OPA1: variants seen among roughly 807,000 people sequenced by gnomAD.
OPA1 encodes the protein OPA1 mitochondrial dynamin like GTPase.
A neutral mutation model predicts 152.9 loss-of-function variants in OPA1; 59 were observed. That is an observed-to-expected ratio of 0.39 (90% CI 0.31 to 0.48). The LOEUF (loss-of-function observed/expected upper bound fraction) is 0.48. Ranked by LOEUF, OPA1 falls within the 20% of genes least tolerant of loss-of-function variation. The pLI is 0.96. For missense variants in OPA1, 1,008 were observed against 1,216.8 expected, an observed-to-expected ratio of 0.83 and a Z score of 2.55; for synonymous variants, 400 against 389.9, an observed-to-expected ratio of 1.03 and a Z score of -0.31.
Position 193,662,860 on chromosome 3 carries a change from G to A in OPA1, c.2559G>A (p.Met853Ile). The change falls in exon 26 of 31, where the codon ATG becomes ATA. Residue 853 changes from methionine to isoleucine, a missense_variant. Met to Ile is a conservative substitution (Grantham distance 10). Coordinates refer to ENST00000361510, the MANE Select transcript of OPA1 (RefSeq NM_130837.3). ...AAACCAAGAATGAATTGGAGAAGAT[G>A]TTGAAATGTAATGAGGAGCACCCAG... ...HNETKNELEK[M>I]LKCNEEHPAY... is the part of the protein sequence containing the mutation. 2 of 1,613,398 alleles carry A rather than the reference G, an allele frequency of 1.2e-6. No individual in the cohort carries two copies. The highest frequency in any genetic ancestry group is 1.7e-6 in the Non-Finnish European group (2 of 1,179,434).
Position 193,648,800 on chromosome 3 carries a change from A to C in OPA1, c.1941A>C (p.Glu647Asp). The change falls in exon 21 of 31, where the codon GAA becomes GAC. Residue 647 changes from glutamate to aspartate, a missense_variant. Around this residue, in one of 7 missense-constraint regions of OPA1, gnomAD observed 229 missense variants for 269.0 expected, o/e 0.85. Coordinates refer to ENST00000361510, the MANE Select transcript of OPA1 (RefSeq NM_130837.3). ...YPRLRELDRN[E>D]LFEKAKNEIL... ...CTTGTATTTATATTGCCTAGAATGAACTATTTGAAAAAGCTAAAAATGAAA... is the reference window on the plus strand; with the variant it reads ...CTTGTATTTATATTGCCTAGAATGACCTATTTGAAAAAGCTAAAAATGAAA... 1 of 1,592,980 alleles carries C rather than the reference A, an allele frequency of 6.3e-7. No homozygotes were observed. Among genetic ancestry groups the C allele is most frequent in the Non-Finnish European group, 8.6e-7 (1 of 1,161,252 alleles).
chr3:193,593,764 C>G (rs1307105920), intron 1 of OPA1, among the ~76,000 whole-genome samples: 1 of 151,888 alleles, frequency 6.6e-6, no homozygotes, highest in Non-Finnish European at 1.5e-5. Flanking sequence ...CCTCTCCCTG[C>G]CAGGTTTGGC....
intron 29 of OPA1, among the ~76,000 whole-genome samples, chr3:193,684,299 A>G (rs922059894): frequency 2.0e-5 from 3 of 152,206 alleles, no homozygotes; most frequent in African/African-American, 7.2e-5. Context: ...CATAGTATCC[A>G]GAGAAATAGA....
In OPA1 at chr3:193,614,786, A is replaced by G. The variant is rs779882253; in HGVS notation, c.96A>G (p.Lys32=). 6 of 1,614,110 alleles carry G rather than the reference A, an allele frequency of 3.7e-6. No homozygotes were observed. Among genetic ancestry groups the G allele is most frequent in the Non-Finnish European group, 5.1e-6 (6 of 1,179,964 alleles). Residue 32 remains lysine (K), a synonymous_variant, in exon 2 of 31, where the codon AAA becomes AAG. Transcript: ENST00000361510. ...SGIKGSLPLQ[K]LHLVSRSIYH... ...TAAAAGGAAGTTTACCACTACAAAA[A>G]CTACATCTGGTTTCACGAAGCATTT...
intron 29 of OPA1, chr3:193,691,476 A>G (rs1721674429): frequency 1.3e-5 from 2 of 151,438 alleles, no homozygotes; most frequent in Non-Finnish European, 1.5e-5. Flanking sequence ...GTATTTTTAT[A>G]GCACCATTGC....
intron 11 of OPA1, among the ~76,000 whole-genome samples, chr3:193,640,912 A>G (rs983201555): frequency 4.6e-5 from 7 of 152,188 alleles, no homozygotes; most frequent in African/African-American, 1.7e-4. Flanking sequence ...GCCTAGTGTG[A>G]TTCATCTAGA....
Position 193,664,953 on chromosome 3 carries a change from G to A in OPA1, c.2735G>A (p.Arg912Gln), listed in dbSNP as rs1215497493. The change falls in exon 27 of 31, where the codon CGA becomes CAA. Residue 912 changes from arginine (R) to glutamine (Q), a missense_variant. Physicochemically the swap from Arg to Gln is conservative, Grantham distance 43 (BLOSUM62 1). Transcript: ENST00000361510. ...KTALNHCNLC[R>Q]RGFYYYQRHF... is the part of the protein sequence containing the mutation. Reference sequence around the variant, plus strand: ...GCTCTAAACCATTGTAACCTTTGTCGAAGAGGTTTTTATTACTACCAAAGG... The same window carrying A: ...GCTCTAAACCATTGTAACCTTTGTCAAAGAGGTTTTTATTACTACCAAAGG... 1.1e-5 allele frequency: 18 copies of A among 1,608,148 alleles called. No homozygotes were observed. Among genetic ancestry groups the A allele is most frequent in the Admixed American group, 1.7e-5 (1 of 59,862 alleles).
At chr3:193,610,206 G>T (rs1033827398) in intron 1 of OPA1, among the ~76,000 whole-genome samples, 8 of 152,142 alleles carry the variant, frequency 5.3e-5, no homozygotes, top group Non-Finnish European at 1.2e-4. Flanking sequence ...ATGTACAGAT[G>T]GGTTTTTGGT....
At chr3:193,668,602 C>G in intron 29 of OPA1, 1 of 1,532,770 alleles carries the variant, frequency 6.5e-7, no homozygotes, top group Non-Finnish European at 8.8e-7. Context: ...CCTGCCTGTG[C>G]TTCGCCAGCC....
At chr3:193,650,490 GT>G (rs1205364185) in intron 21 of OPA1, among the ~76,000 whole-genome samples, 4 of 152,126 alleles carry the variant, frequency 2.6e-5, no homozygotes, top group Non-Finnish European at 5.9e-5. Flanking sequence ...TTGTCTTGAA[GT>G]TTTTATTGGT....
intron 28 of OPA1, 31 bp from the exon 29 acceptor site, chr3:193,667,139 C>T: frequency 1.0e-6 from 1 of 992,490 alleles, no homozygotes. Flanking sequence ...AAAAACGATG[C>T]TCCTCAGGTT....
chr3:193,623,593 A>G (rs1269923043), intron 6 of OPA1, among the ~76,000 whole-genome samples: 1 of 152,176 alleles, frequency 6.6e-6, no homozygotes, highest in Non-Finnish European at 1.5e-5. Flanking sequence ...ATATTAAGAG[A>G]CTATATCATC....
chr3:193,686,847 A>T (rs1420155544), intron 29 of OPA1, among the ~76,000 whole-genome samples: 1 of 152,166 alleles, frequency 6.6e-6, no homozygotes, highest in Admixed American at 6.5e-5. Flanking sequence ...CAACAGTTCC[A>T]TTAAGGTACA....
At position 193,695,306 on chromosome 3, in the gene OPA1, GA is replaced by G. The variant is rs959476190; in HGVS notation, c.*709del. The G allele has an allele frequency of 6.6e-6, 1 of 152,096 alleles. No homozygotes were observed. The highest frequency in any genetic ancestry group is 2.4e-5 in the African/African-American group (1 of 41,420). The allele number at this position is 152,096 out of a possible 1,614,324, so 9.4% of individuals were successfully genotyped here. The stretch of plus-strand genomic sequence containing the variant: ...GTTTTCTCACTCTCTATATCCATTT[GA>G]AATTGATTTATTTTAGATGTTGTAT... On this transcript the variant is annotated 3_prime_UTR_variant, in exon 31 of 31. Coordinates refer to ENST00000361510, the MANE Select transcript of OPA1 (RefSeq NM_130837.3).
intron 21 of OPA1, among the ~76,000 whole-genome samples, chr3:193,654,571 A>G (rs922122102): frequency 6.6e-6 from 1 of 152,190 alleles, no homozygotes; most frequent in Non-Finnish European, 1.5e-5. Context: ...GCTGGAGTGG[A>G]AGAACAAAGA....
intron 28 of OPA1, among the ~76,000 whole-genome samples, chr3:193,666,900 G>A (rs1040609461): frequency 6.6e-6 from 1 of 152,114 alleles, no homozygotes; most frequent in African/African-American, 2.4e-5. Flanking sequence ...AAACTCTGTT[G>A]GGAATGGACT....
At chr3:193,643,162 A>C in intron 13 of OPA1, 113 bp downstream of exon 13, 2 of 952,058 alleles carry the variant, frequency 2.1e-6, no homozygotes, top group Non-Finnish European at 3.3e-6. Context: ...AGATATGTAG[A>C]GCTTTTAAAA....
At position 193,642,063 on chromosome 3, in the gene OPA1, C is replaced by A. The variant is rs569888478; in HGVS notation, c.1150-702C>A. 2.0e-5 allele frequency among the ~76,000 whole-genome samples: 3 copies of A among 152,310 alleles called. No homozygotes were observed. The East Asian group carries it at 5.8e-4, about 29-fold the overall frequency. On this transcript the variant is annotated intron_variant, in intron 11 of 30. Transcript: ENST00000361510. ...ACCGCGAAGTGGAGGTTGCAGTGAG[C>A]CGAGATCATGCCACTGCACTTCAGC...
chr3:193,610,367 A>C (rs2108841009), intron 1 of OPA1, among the ~76,000 whole-genome samples: 1 of 152,324 alleles, frequency 6.6e-6, no homozygotes, highest in East Asian at 1.9e-4. Context: ...GGTGAACAGC[A>C]GATGTTGCTG....
Sources: allele counts gnomAD v4.1 joint callset (sites outside exome capture counted in the v4.1 genomes callset), GRCh38; gene constraint gnomAD v4.1.1; regional missense constraint gnomAD v4.1.1; transcripts MANE v1.5; gene names NCBI Gene and HGNC (gene_info 2026-07-23, HGNC 2026-07-21).